The following ASPH variants were observed in gnomAD, a reference collection of about 807,000 sequenced individuals.
The protein encoded by ASPH is aspartyl/asparaginyl beta-hydroxylase.
ASPH carries 100 observed loss-of-function variants against 118.4 expected under a neutral mutation model. The observed-to-expected ratio is 0.84, with a 90% confidence interval of 0.72 to 1.00. The LOEUF is 1.00. Ranked by LOEUF, ASPH falls within the 50% of genes least tolerant of loss-of-function variation. ASPH has a pLI of 0.00. For synonymous variants in ASPH, 315 were observed against 325.6 expected, an observed-to-expected ratio of 0.97 and a Z score of 0.35; for missense variants, 920 against 919.5, an observed-to-expected ratio of 1.00 and a Z score of -0.01.
intron 21 of ASPH, among the ~76,000 whole-genome samples, chr8:61,534,340 A>G (rs779514157): frequency 3.3e-5 from 5 of 152,122 alleles, no homozygotes; most frequent in Admixed American, 6.6e-5. Context: ...GTAATATGTA[A>G]TCCAACCATC....
chr8:61,618,957 CTGTT>C lies in ASPH; in HGVS notation c.976+17_976+20del. 1 of 1,581,274 alleles carries C rather than the reference CTGTT, an allele frequency of 6.3e-7. No individual in the cohort carries two copies. Among genetic ancestry groups the C allele is most frequent in the Non-Finnish European group, 8.7e-7 (1 of 1,152,736 alleles). ...CTTTTCCCCATGTATATTTTAAAGG[CTGTT>C]TATTTGACAATCTCACCTTTTGCTT... On this transcript the variant is annotated intron_variant, in intron 14 of 24. Transcript: ENST00000379454.
intron 14 of ASPH, among the ~76,000 whole-genome samples, chr8:61,611,757 C>T (rs1467450409): frequency 6.6e-6 from 1 of 152,162 alleles, no homozygotes; most frequent in African/African-American, 2.4e-5. Context: ...ACTCTGAAGG[C>T]ACAAGACACC....
intron 13 of ASPH, chr8:61,625,315 A>G: frequency 1.0e-6 from 1 of 985,872 alleles, no homozygotes; most frequent in Non-Finnish European, 1.2e-6. Flanking sequence ...CTTTTCACAC[A>G]TCCTCAATCA....
intron 14 of ASPH, among the ~76,000 whole-genome samples, chr8:61,590,967 A>G (rs941109951): frequency 6.6e-6 from 1 of 152,106 alleles, no homozygotes; most frequent in African/African-American, 2.4e-5. Flanking sequence ...TATTACTACT[A>G]TACTCATTAC....
At chr8:61,519,695 A>G (rs1812261315) in intron 22 of ASPH, among the ~76,000 whole-genome samples, 1 of 151,992 alleles carries the variant, frequency 6.6e-6, no homozygotes, top group Admixed American at 6.6e-5. Context: ...CAGATGAGTA[A>G]GTGTCAGAGT....
At chr8:61,504,395 C>T (rs148366452) in intron 24 of ASPH, among the ~76,000 whole-genome samples, 1 of 152,264 alleles carries the variant, frequency 6.6e-6, no homozygotes, top group East Asian at 1.9e-4. Context: ...AATTTTACAT[C>T]CTGGATTAGC....
intron 21 of ASPH, 110 bp from the exon 22 acceptor site, chr8:61,526,222 C>T: frequency 2.9e-6 from 4 of 1,396,170 alleles, no homozygotes; most frequent in African/African-American, 1.4e-5. Flanking sequence ...AATTCTTTGC[C>T]TTATCTAGAT....
At chr8:61,618,183 C>T (rs1435846404) in intron 14 of ASPH, among the ~76,000 whole-genome samples, 1 of 152,180 alleles carries the variant, frequency 6.6e-6, no homozygotes, top group Non-Finnish European at 1.5e-5. Flanking sequence ...AGCAATTCCA[C>T]ATGCTCACCA....
chr8:61,517,247 C>A, intron 24 of ASPH: 1 of 355,440 alleles, frequency 2.8e-6, no homozygotes, highest in Non-Finnish European at 5.2e-6. Context: ...ACTCTGAATG[C>A]ACATCTGTCT....
At chr8:61,652,729 A>G (rs574375591) in intron 4 of ASPH, among the ~76,000 whole-genome samples, 3 of 152,180 alleles carry the variant, frequency 2.0e-5, no homozygotes, top group African/African-American at 4.8e-5. Flanking sequence ...AAAAGTTACT[A>G]TCTATTCTGG....
rs57553879 is a variant in ASPH at position 61,621,261 on chromosome 8, A to C, written c.935-2242T>G. 4.7e-3 allele frequency among the ~76,000 whole-genome samples: 717 copies of C among 152,042 alleles called. 6 individuals are homozygous for C. Among genetic ancestry groups the C allele is most frequent in the African/African-American group, 0.015 (638 of 41,462 alleles). ...TTTCGGATATGGAGAAAATACACAG[A>C]GATAATAGTAATACTTTGCATTAGT... is the stretch of plus-strand genomic sequence containing the variant. On this transcript the variant is annotated intron_variant, in intron 13 of 24. Coordinates refer to ENST00000379454, the MANE Select transcript of ASPH (RefSeq NM_004318.4).
chr8:61,604,510 C>T (rs144227675), intron 14 of ASPH, among the ~76,000 whole-genome samples: 2,918 of 152,182 alleles, frequency 0.019, 40 homozygotes, highest in Non-Finnish European at 0.027. Context: ...ATTTTTATTA[C>T]AATTATAGAC....
intron 3 of ASPH, among the ~76,000 whole-genome samples, chr8:61,676,693 T>C (rs771953506): frequency 2.6e-5 from 4 of 152,104 alleles, no homozygotes; most frequent in East Asian, 1.9e-4. Flanking sequence ...AAAAAAGATA[T>C]ATACTCTGAC....
chr8:61,505,678 T>C (rs1474831995), intron 24 of ASPH, among the ~76,000 whole-genome samples: 2 of 152,110 alleles, frequency 1.3e-5, no homozygotes, highest in Non-Finnish European at 2.9e-5. Context: ...AACACACACA[T>C]GTTGATTGGC....
intron 14 of ASPH, among the ~76,000 whole-genome samples, chr8:61,602,295 G>A (rs1372706083): frequency 6.6e-6 from 1 of 151,278 alleles, no homozygotes; most frequent in African/African-American, 2.5e-5. Flanking sequence ...ATGTATAGTT[G>A]TTTTAACATC....
intron 1 of ASPH, among the ~76,000 whole-genome samples, chr8:61,694,149 C>T (rs924657281): frequency 2.0e-5 from 3 of 152,156 alleles, no homozygotes; most frequent in African/African-American, 7.2e-5. Flanking sequence ...ACAGAGAAAA[C>T]AGAACCCTCA....
chr8:61,576,343 C>T (rs940178482), intron 16 of ASPH, among the ~76,000 whole-genome samples: 1 of 152,066 alleles, frequency 6.6e-6, no homozygotes, highest in Non-Finnish European at 1.5e-5. Context: ...GAAATGAGTC[C>T]GTTGGAAAAA....
chr8:61,625,591 C>G (rs1344912663), intron 13 of ASPH: 5 of 983,812 alleles, frequency 5.1e-6, no homozygotes, highest in Non-Finnish European at 6.0e-6. Context: ...CAGCTTTCCC[C>G]TCTCATTTAA....
chr8:61,571,731 G>A (rs1833539882), intron 16 of ASPH, among the ~76,000 whole-genome samples: 1 of 152,010 alleles, frequency 6.6e-6, no homozygotes, highest in African/African-American at 2.4e-5. Flanking sequence ...TTACATATAA[G>A]GAAAACTTCT....
Sources: allele counts gnomAD v4.1 joint callset (sites outside exome capture counted in the v4.1 genomes callset), GRCh38; gene constraint gnomAD v4.1.1; transcripts MANE v1.5; gene names NCBI Gene and HGNC (gene_info 2026-07-23, HGNC 2026-07-21).